DNAH11: variants seen among roughly 807,000 people sequenced by gnomAD.
DNAH11 encodes axonemal beta dynein heavy chain 11.
DNAH11 carries 442 observed loss-of-function variants against 526.0 expected under a neutral mutation model. The observed-to-expected ratio is 0.84, with a 90% CI of 0.78 to 0.91. DNAH11 has a LOEUF of 0.91. Ranked by LOEUF, DNAH11 falls within the 40% of genes least tolerant of loss-of-function variation. The pLI, the probability that DNAH11 is intolerant of heterozygous loss-of-function variation, is 0.00. For synonymous variants in DNAH11, 2,461 were observed against 1,935.9 expected (o/e 1.27, Z -7.12); for missense variants, 6,989 against 5,448.7 (o/e 1.28, Z -8.90).
chr7:21,900,988 C>T lies in DNAH11; in HGVS notation c.13304-19C>T, dbSNP rs141951506. 4.9e-4 allele frequency: 767 copies of T among 1,558,370 alleles called. 1 individual carries two copies. The highest frequency in any genetic ancestry group is 1.0e-3 in the Middle Eastern group (6 of 5,800). ...TAGCAAGCTGCCACACAATTGCAAC[C>T]GCTGTGTTTTTGCCATAGGCGCCCG... On this transcript the variant is annotated intron_variant, in intron 81 of 81. Transcript: ENST00000409508.
chr7:21,783,734 G>C (rs1398914058), intron 57 of DNAH11, among the ~76,000 whole-genome samples: 1 of 151,206 alleles, frequency 6.6e-6, no homozygotes, highest in Admixed American at 6.6e-5. Context: ...GGCTGATGCA[G>C]CACCCTCTGT....
At chr7:21,551,667 T>C (rs532090728) in intron 2 of DNAH11, among the ~76,000 whole-genome samples, 12 of 152,322 alleles carry the variant, frequency 7.9e-5, no homozygotes, top group Non-Finnish European at 1.8e-4. Flanking sequence ...ATTATGTCTC[T>C]TGCCATCTAT....
At position 21,868,827 on chromosome 7, in the gene DNAH11, T is replaced by C. The variant is rs67401326; in HGVS notation, c.11840-37T>C. The C allele has an allele frequency of 0.072, 116,288 of 1,612,752 alleles. 8,214 individuals carry two copies. Among genetic ancestry groups the C allele is most frequent in the African/African-American group, 0.37 (27,959 of 74,872 alleles). ...TCCAGGCTCCTCTCACCCTCCTTCATAGACATTTCCTCTCACCGTGGTGTA... is the reference window on the plus strand; with the variant it reads ...TCCAGGCTCCTCTCACCCTCCTTCACAGACATTTCCTCTCACCGTGGTGTA... On this transcript the variant is annotated intron_variant, in intron 72 of 81. Coordinates refer to ENST00000409508, the MANE Select transcript of DNAH11 (RefSeq NM_001277115.2).
chr7:21,862,102 C>T, intron 69 of DNAH11, 79 bp downstream of exon 69: 2 of 1,324,518 alleles, frequency 1.5e-6, no homozygotes, highest in South Asian at 1.6e-5. Context: ...TTTATTTCTG[C>T]TGAAGCAAAA....
intron 36 of DNAH11, 61 bp from the exon 37 acceptor site, chr7:21,702,649 T>C: frequency 6.9e-7 from 1 of 1,447,976 alleles, no homozygotes; most frequent in Non-Finnish European, 9.6e-7. Context: ...CTCTTACCTC[T>C]GGAATGAGAA....
chr7:21,598,598 T>TA (rs775415407), intron 14 of DNAH11, among the ~76,000 whole-genome samples: 6 of 107,372 alleles, frequency 5.6e-5, no homozygotes, highest in Non-Finnish European at 1.0e-4. Flanking sequence ...AATAAATAAA[T>TA]AAATAAATAA....
At chr7:21,834,216 T>C (rs1282905813) in intron 65 of DNAH11, among the ~76,000 whole-genome samples, 1 of 152,014 alleles carries the variant, frequency 6.6e-6, no homozygotes, top group Admixed American at 6.6e-5. Flanking sequence ...TTGGAAACTA[T>C]ACAAATACTT....
chr7:21,847,475 C>G (rs539260966), intron 66 of DNAH11, among the ~76,000 whole-genome samples: 2 of 152,122 alleles, frequency 1.3e-5, no homozygotes, highest in Non-Finnish European at 2.9e-5. Flanking sequence ...TGTTTAATCT[C>G]CAAATATTTT....
intron 45 of DNAH11, among the ~76,000 whole-genome samples, chr7:21,730,050 C>T (rs561345116): frequency 6.6e-6 from 1 of 152,268 alleles, no homozygotes; most frequent in East Asian, 1.9e-4. Flanking sequence ...GTTAGTATAG[C>T]CATTATGGAA....
intron 61 of DNAH11, among the ~76,000 whole-genome samples, chr7:21,796,449 G>A (rs1331691527): frequency 6.6e-6 from 1 of 152,166 alleles, no homozygotes; most frequent in East Asian, 1.9e-4. Context: ...ATGGATGAGG[G>A]AAGCAGAATG....
intron 61 of DNAH11, among the ~76,000 whole-genome samples, chr7:21,790,243 G>A (rs1279778892): frequency 1.3e-5 from 2 of 151,920 alleles, no homozygotes; most frequent in East Asian, 1.9e-4. Context: ...TCAGGAGATC[G>A]AGACCATCCT....
intron 29 of DNAH11, among the ~76,000 whole-genome samples, chr7:21,658,513 T>C (rs940208136): frequency 6.6e-6 from 1 of 152,116 alleles, no homozygotes; most frequent in Non-Finnish European, 1.5e-5. Context: ...AAATGAATAG[T>C]GAAGAACCCC....
At chr7:21,711,944 C>G in intron 42 of DNAH11, 84 bp downstream of exon 42, 1 of 1,467,676 alleles carries the variant, frequency 6.8e-7, no homozygotes. Flanking sequence ...TAAGCACATT[C>G]ATGTTGTTGC....
intron 75 of DNAH11, among the ~76,000 whole-genome samples, chr7:21,882,947 C>T (rs1459215708): frequency 1.3e-5 from 2 of 152,056 alleles, no homozygotes; most frequent in African/African-American, 2.4e-5. Context: ...TTGCAAGCAT[C>T]GATTAAATGT....
At chr7:21,607,303 G>A (rs1399253886) in intron 20 of DNAH11, among the ~76,000 whole-genome samples, 6 of 152,110 alleles carry the variant, frequency 3.9e-5, no homozygotes, top group African/African-American at 1.4e-4. Flanking sequence ...TTTTATCCTA[G>A]CTGTGCTGGC....
At chr7:21,738,108 G>T (rs879617434) in intron 46 of DNAH11, among the ~76,000 whole-genome samples, 3 of 152,022 alleles carry the variant, frequency 2.0e-5, no homozygotes, top group Non-Finnish European at 4.4e-5. Context: ...TCTCAGACAC[G>T]CACTGTTCTG....
rs760133325 is a variant in DNAH11 at position 21,901,022 on chromosome 7, C to T, written c.13319C>T (p.Thr4440Ile). The T allele has an allele frequency of 5.6e-6, 9 of 1,605,584 alleles. No individual in the cohort carries two copies. The Admixed American group carries it at 1.4e-4, about 24-fold the overall frequency. ...GLFMEGARWD[T>I]QAGTIVEARL... ...TTTGCCATAGGCGCCCGCTGGGACA[C>T]CCAAGCAGGAACCATTGTTGAAGCC... Residue 4440 changes from threonine (T) to isoleucine (I), a missense_variant, in exon 82 of 82, where the codon ACC becomes ATC. Transcript: ENST00000409508.
rs186812371 is a variant in DNAH11, at chr7:21,708,780, C to T, written c.6683+945C>T. On this transcript the variant is annotated intron_variant, in intron 40 of 81. Transcript: ENST00000409508. ...CGTCGGCAACACTCTTCTGGATGCC[C>T]GCATGACTTGCTCCCTTATCTTATT... Among the ~76,000 whole-genome samples, 37 of 152,264 alleles carry T rather than the reference C, an allele frequency of 2.4e-4. No homozygotes were observed. The East Asian group carries it at 7.2e-3, about 29-fold the overall frequency.
chr7:21,627,196 C>G (rs1026663972), intron 25 of DNAH11, among the ~76,000 whole-genome samples: 1 of 152,068 alleles, frequency 6.6e-6, no homozygotes, highest in Non-Finnish European at 1.5e-5. Context: ...GAGTAGTTTG[C>G]AAATATTTTC....
Sources: gnomAD v4.1 joint callset for allele counts (sites outside exome capture counted in the v4.1 genomes callset) on GRCh38, gnomAD v4.1.1 for gene constraint, MANE v1.5 for transcripts, NCBI Gene and HGNC (gene_info 2026-07-23, HGNC 2026-07-21) for gene names.